Variants in ASCC3 observed in about 807,000 individuals in gnomAD.
The protein encoded by ASCC3 is activating signal cointegrator 1 complex subunit 3.
In ASCC3, 158 loss-of-function variants were observed where a neutral mutation model predicts 256.3. The ratio of observed to expected loss-of-function variants is 0.62; its 90% CI spans 0.54 to 0.70. The LOEUF is 0.70. Ranked by LOEUF, ASCC3 falls within the 30% of genes least tolerant of loss-of-function variation. ASCC3 has a pLI of 0.00. For synonymous variants in ASCC3, 948 were observed against 883.4 expected (o/e 1.07, Z -1.30); for missense variants, 2,259 against 2,626.0 (o/e 0.86, Z 3.05).
intron 3 of ASCC3, among the ~76,000 whole-genome samples, chr6:100,854,981 C>T (rs1011332489): frequency 6.6e-6 from 1 of 152,050 alleles, no homozygotes; most frequent in Non-Finnish European, 1.5e-5. Context: ...ACTCGTAATA[C>T]TATTTAAAAG....
At chr6:100,846,274 C>A (rs2114498461) in intron 4 of ASCC3, among the ~76,000 whole-genome samples, 1 of 152,186 alleles carries the variant, frequency 6.6e-6, no homozygotes, top group South Asian at 2.1e-4. Flanking sequence ...GCCATAACAA[C>A]AGAATATAAC....
chr6:100,523,834 G>GT (rs1774425527), intron 37 of ASCC3, among the ~76,000 whole-genome samples: 1 of 152,026 alleles, frequency 6.6e-6, no homozygotes, highest in Non-Finnish European at 1.5e-5. Context: ...GCTTGACAAC[G>GT]TATCTTCTAC....
At chr6:100,710,274 G>A (rs1209080580) in intron 13 of ASCC3, among the ~76,000 whole-genome samples, 1 of 152,122 alleles carries the variant, frequency 6.6e-6, no homozygotes, top group East Asian at 1.9e-4. Flanking sequence ...AAAAGATGGA[G>A]AGGTGATATT....
At chr6:100,583,626 C>T (rs1296333029) in intron 36 of ASCC3, among the ~76,000 whole-genome samples, 1 of 152,156 alleles carries the variant, frequency 6.6e-6, no homozygotes, top group Non-Finnish European at 1.5e-5. Flanking sequence ...TTGCCTTCTG[C>T]AAGCTTTTGA....
chr6:100,761,136 A>G (rs9322175), intron 10 of ASCC3, among the ~76,000 whole-genome samples: 10,478 of 152,212 alleles, frequency 0.069, 816 homozygotes, highest in East Asian at 0.3. Context: ...ATTTGAATGG[A>G]GTGAATTTCT....
In ASCC3 at chr6:100,509,514, A is replaced by G. The variant is rs778541850; in HGVS notation, c.6481T>C (p.Phe2161Leu). Residue 2161 changes from phenylalanine (F) to leucine (L), a missense_variant, in exon 42 of 42, where the codon TTC becomes CTC. By Grantham distance (22) the Phe-to-Leu change is conservative (BLOSUM62 0). Around this residue, in one of 2 missense-constraint regions of ASCC3, gnomAD observed 1,839 missense variants for 2,206.7 expected, o/e 0.83. Transcript: ENST00000369162. ...AGGCCAAGGTAGCAGTCACTCATGA[A>G]ATATAATGTGTAGATATACCTAAAA... Reference protein sequence around the residue: ...IPGRYIYTLYFMSDCYLGLDQ... With the variant: ...IPGRYIYTLYLMSDCYLGLDQ... The G allele has an allele frequency of 8.7e-6, 14 of 1,613,218 alleles. No homozygotes were observed. The South Asian group carries it at 1.4e-4, about 16-fold the overall frequency.
At chr6:100,851,262 T>G (rs1772652848) in intron 3 of ASCC3, among the ~76,000 whole-genome samples, 1 of 152,194 alleles carries the variant, frequency 6.6e-6, no homozygotes, top group East Asian at 1.9e-4. Context: ...GACTTATTTC[T>G]AATTCTTGTT....
intron 14 of ASCC3, among the ~76,000 whole-genome samples, chr6:100,677,395 T>C (rs917508662): frequency 2.0e-5 from 3 of 151,946 alleles, no homozygotes; most frequent in Non-Finnish European, 4.4e-5. Flanking sequence ...GGATTTGATC[T>C]GTTTGCTTTT....
At chr6:100,552,311 C>T (rs1458916548) in intron 36 of ASCC3, among the ~76,000 whole-genome samples, 1 of 151,598 alleles carries the variant, frequency 6.6e-6, no homozygotes, top group Non-Finnish European at 1.5e-5. Context: ...TTTAATTAAC[C>T]TACTTTAAAA....
At chr6:100,847,174 T>C (rs920581722) in intron 4 of ASCC3, among the ~76,000 whole-genome samples, 1 of 152,146 alleles carries the variant, frequency 6.6e-6, no homozygotes, top group African/African-American at 2.4e-5. Flanking sequence ...AAATATCCAT[T>C]AATTAGATAT....
intron 8 of ASCC3, among the ~76,000 whole-genome samples, chr6:100,796,202 G>C (rs1263783231): frequency 2.0e-5 from 3 of 152,150 alleles, no homozygotes; most frequent in Non-Finnish European, 4.4e-5. Flanking sequence ...ACCAAATGCT[G>C]GTTAGTATGT....
chr6:100,653,381 T>C (rs1357032203), intron 17 of ASCC3, among the ~76,000 whole-genome samples: 1 of 152,082 alleles, frequency 6.6e-6, no homozygotes, highest in African/African-American at 2.4e-5. Context: ...GGCTCACACC[T>C]GTAATCCCAG....
chr6:100,823,627 G>C (rs1771159814), intron 4 of ASCC3, among the ~76,000 whole-genome samples: 1 of 152,040 alleles, frequency 6.6e-6, no homozygotes. Context: ...TTAATATAAA[G>C]CCTTATTCTT....
intron 4 of ASCC3, among the ~76,000 whole-genome samples, chr6:100,839,617 G>T (rs1344626004): frequency 6.6e-6 from 1 of 152,082 alleles, no homozygotes; most frequent in Non-Finnish European, 1.5e-5. Context: ...TGATGATTCA[G>T]CATGTTCTTC....
intron 36 of ASCC3, among the ~76,000 whole-genome samples, chr6:100,550,114 T>C (rs578197152): frequency 6.6e-6 from 1 of 152,044 alleles, no homozygotes; most frequent in East Asian, 1.9e-4. Flanking sequence ...AGAATCCAGA[T>C]AGTTCGGTGG....
At position 100,678,390 on chromosome 6, in the gene ASCC3, T is replaced by C. The variant is rs186031704; in HGVS notation, c.2286+1228A>G. Reference sequence around the variant, plus strand: ...GAAGGACACAAAACTGTACAATCTGTACAATAAGTGTTAGGTAATAAAAGT... The same window carrying C: ...GAAGGACACAAAACTGTACAATCTGCACAATAAGTGTTAGGTAATAAAAGT... On this transcript the variant is annotated intron_variant, in intron 14 of 41. Coordinates refer to ENST00000369162, the MANE Select transcript of ASCC3 (RefSeq NM_006828.4). Among the ~76,000 whole-genome samples, 325 of 152,190 alleles carry C rather than the reference T, an allele frequency of 2.1e-3. 1 individual carries two copies. Among genetic ancestry groups the C allele is most frequent in the African/African-American group, 7.6e-3 (314 of 41,558 alleles).
At chr6:100,568,617 G>A (rs1380052644) in intron 36 of ASCC3, among the ~76,000 whole-genome samples, 1 of 151,566 alleles carries the variant, frequency 6.6e-6, no homozygotes, top group Non-Finnish European at 1.5e-5. Flanking sequence ...TGGACACATG[G>A]TTTGTGAATA....
intron 37 of ASCC3, among the ~76,000 whole-genome samples, chr6:100,526,172 C>T (rs994375248): frequency 6.6e-6 from 1 of 152,180 alleles, no homozygotes; most frequent in South Asian, 2.1e-4. Context: ...ATCAAAAAGT[C>T]ATTTCCGAGC....
At chr6:100,603,802 T>C (rs965885025) in intron 33 of ASCC3, among the ~76,000 whole-genome samples, 1 of 152,118 alleles carries the variant, frequency 6.6e-6, no homozygotes, top group African/African-American at 2.4e-5. Context: ...GGTAGTAATA[T>C]ATTATCTTTT....
Sources: allele counts gnomAD v4.1 joint callset (sites outside exome capture counted in the v4.1 genomes callset), GRCh38; gene constraint gnomAD v4.1.1; regional missense constraint gnomAD v4.1.1; transcripts MANE v1.5; gene names NCBI Gene and HGNC (gene_info 2026-07-23, HGNC 2026-07-21).